Variants in ACER3 observed in about 807,000 individuals in gnomAD.
ACER3 encodes the protein alkaline ceramidase 3, also known as alkCDase 3.
A neutral mutation model predicts 48.9 loss-of-function variants in ACER3; 16 were observed. That is an observed-to-expected ratio of 0.33 (90% CI 0.22 to 0.50). The LOEUF is 0.50. Ranked by LOEUF, ACER3 falls within the 20% of genes least tolerant of loss-of-function variation. The probability of loss-of-function intolerance (pLI) is 0.98; values close to 1 mark genes in which losing one functional copy is unlikely to be tolerated. For missense variants in ACER3, 227 were observed against 326.0 expected, an observed-to-expected ratio of 0.70 and a Z score of 2.34; for synonymous variants, 109 against 107.8, an observed-to-expected ratio of 1.01 and a Z score of -0.07.
rs751950142 is a variant in ACER3 at position 76,976,347 on chromosome 11, T to C, written c.320+6T>C. On this transcript the variant is annotated splice_donor_region_variant and intron_variant, in intron 4 of 10. Coordinates refer to ENST00000532485, the MANE Select transcript of ACER3 (RefSeq NM_018367.7). Reference sequence around the variant, plus strand: ...TGCATATTTGTGTACTGCATGTAAGTACTTTTAAAATTTCATTGTTTGATT... The same window carrying C: ...TGCATATTTGTGTACTGCATGTAAGCACTTTTAAAATTTCATTGTTTGATT... The C allele has an allele frequency of 6.4e-7, 1 of 1,574,746 alleles. No individual in the cohort carries two copies. The highest frequency in any genetic ancestry group is 1.1e-5 in the South Asian group (1 of 86,980).
intron 2 of ACER3, among the ~76,000 whole-genome samples, chr11:76,955,007 A>C (rs1590985775): frequency 6.6e-6 from 1 of 152,336 alleles, no homozygotes; most frequent in Middle Eastern, 3.4e-3. Flanking sequence ...TTAAGTACAC[A>C]GTAAATATTT....
At chr11:76,959,475 C>T (rs990885318) in intron 3 of ACER3, among the ~76,000 whole-genome samples, 3 of 152,136 alleles carry the variant, frequency 2.0e-5, no homozygotes, top group African/African-American at 7.2e-5. Flanking sequence ...CCCAGGATGG[C>T]TTTGAATGCA....
At chr11:76,992,280 G>C (rs1233480722) in intron 6 of ACER3, among the ~76,000 whole-genome samples, 1 of 152,038 alleles carries the variant, frequency 6.6e-6, no homozygotes, top group Non-Finnish European at 1.5e-5. Context: ...TTATAAACTT[G>C]TTTGCCTTTA....
chr11:76,939,806 A>G lies in ACER3; in HGVS notation c.214+13139A>G, dbSNP rs892746556. On this transcript the variant is annotated intron_variant, in intron 2 of 10. Transcript: ENST00000532485. Reference sequence around the variant, plus strand: ...AATGTTAGTGTCATGAAAAACAAATAATTCATCTTGAATTGTTCCAGATTA... The same window carrying G: ...AATGTTAGTGTCATGAAAAACAAATGATTCATCTTGAATTGTTCCAGATTA... Among the ~76,000 whole-genome samples the G allele has an allele frequency of 3.9e-5, 6 of 152,294 alleles. No homozygotes were observed. The East Asian group carries it at 7.7e-4, about 20-fold the overall frequency.
intron 2 of ACER3, among the ~76,000 whole-genome samples, chr11:76,947,510 A>T (rs572310055): frequency 7.2e-5 from 11 of 152,372 alleles, no homozygotes; most frequent in Middle Eastern, 3.4e-3. Context: ...ATGCTTTAGC[A>T]TACTATATCC....
At chr11:76,991,903 A>G (rs1948812409) in intron 6 of ACER3, among the ~76,000 whole-genome samples, 1 of 151,848 alleles carries the variant, frequency 6.6e-6, no homozygotes, top group Non-Finnish European at 1.5e-5. Context: ...TGTAATTACT[A>G]TTTTATTTAG....
chr11:76,974,784 A>C (rs1948397144), intron 3 of ACER3, among the ~76,000 whole-genome samples: 1 of 151,862 alleles, frequency 6.6e-6, no homozygotes, highest in African/African-American at 2.4e-5. Flanking sequence ...GTTAAAAAAA[A>C]AGGTGAATTT....
At chr11:76,897,554 A>C (rs1392845001) in intron 1 of ACER3, among the ~76,000 whole-genome samples, 1 of 152,174 alleles carries the variant, frequency 6.6e-6, no homozygotes, top group African/African-American at 2.4e-5. Context: ...TATTAAAAAA[A>C]AACACGTGTT....
intron 1 of ACER3, among the ~76,000 whole-genome samples, chr11:76,867,017 A>G (rs572729776): frequency 2.0e-5 from 3 of 152,330 alleles, no homozygotes; most frequent in South Asian, 2.1e-4. Context: ...CCTCTTGGCT[A>G]TTGTGAATAA....
chr11:76,873,857 GTA>G (rs762613485), intron 1 of ACER3, among the ~76,000 whole-genome samples: 33 of 152,072 alleles, frequency 2.2e-4, no homozygotes, highest in Non-Finnish European at 4.7e-4. Flanking sequence ...AGAATACATA[GTA>G]TAGTAAACAT....
intron 6 of ACER3, among the ~76,000 whole-genome samples, chr11:76,996,790 A>G (rs1483653380): frequency 2.0e-5 from 3 of 147,902 alleles, no homozygotes; most frequent in Non-Finnish European, 3.0e-5. Flanking sequence ...CAGTGGTGCA[A>G]TCTTAGCTCA....
chr11:76,938,173 C>A (rs1450869831), intron 2 of ACER3, among the ~76,000 whole-genome samples: 1 of 152,054 alleles, frequency 6.6e-6, no homozygotes, highest in Non-Finnish European at 1.5e-5. Context: ...ATCACCATGC[C>A]TGGTTAATTT....
chr11:76,934,811 A>G (rs1947131069), intron 2 of ACER3, among the ~76,000 whole-genome samples: 1 of 152,062 alleles, frequency 6.6e-6, no homozygotes, highest in African/African-American at 2.4e-5. Context: ...GCCACTTAAA[A>G]TCTTTACTCT....
intron 9 of ACER3, 43 bp downstream of exon 9, chr11:77,016,822 GTT>G (rs112678860): frequency 1.9e-5 from 16 of 852,368 alleles, no homozygotes; most frequent in African/African-American, 5.5e-5. Context: ...AGAGTTTGTT[GTT>G]TTTTTTTTTC....
chr11:76,883,400 T>G (rs374353839), intron 1 of ACER3, among the ~76,000 whole-genome samples: 3 of 151,650 alleles, frequency 2.0e-5, no homozygotes, highest in African/African-American at 4.8e-5. Flanking sequence ...GTTTCATCAC[T>G]GTCATTTTGG....
At chr11:76,878,236 A>G (rs1193789537) in intron 1 of ACER3, among the ~76,000 whole-genome samples, 1 of 152,158 alleles carries the variant, frequency 6.6e-6, no homozygotes, top group East Asian at 1.9e-4. Context: ...AACTTTAACT[A>G]TTAGGTTGGT....
In ACER3 at chr11:77,022,218, G is replaced by T. The variant is rs1280007702; in HGVS notation, c.*1891G>T. The T allele has an allele frequency of 6.6e-6, 1 of 152,168 alleles. No homozygotes were observed. The highest frequency in any genetic ancestry group is 2.4e-5 in the African/African-American group (1 of 41,436). 9.4% of individuals were successfully genotyped at this position (152,168 alleles called of 1,614,324 possible). On this transcript the variant is annotated 3_prime_UTR_variant, in exon 11 of 11. Coordinates refer to ENST00000532485, the MANE Select transcript of ACER3 (RefSeq NM_018367.7). ...GTACATGGCAATGCTGTTAAACATG[G>T]TAAGACTGAGGTTCTGCAGGATTAA...
At chr11:77,000,514 A>G (rs1479751179) in intron 7 of ACER3, among the ~76,000 whole-genome samples, 2 of 151,780 alleles carry the variant, frequency 1.3e-5, no homozygotes, top group African/African-American at 2.4e-5. Context: ...ATTTGTTCTT[A>G]TTTTTTTTCT....
At chr11:76,959,254 T>G in intron 3 of ACER3, 3 of 1,372,854 alleles carry the variant, frequency 2.2e-6, no homozygotes, top group Non-Finnish European at 2.8e-6. Flanking sequence ...TGACCATCTC[T>G]GTGCGGGCAT....
Sources: gnomAD v4.1 joint callset for allele counts (sites outside exome capture counted in the v4.1 genomes callset) on GRCh38, gnomAD v4.1.1 for gene constraint, MANE v1.5 for transcripts, NCBI Gene and HGNC (gene_info 2026-07-23, HGNC 2026-07-21) for gene names.